The following SLC39A11 variants were observed in gnomAD, a reference collection of about 807,000 sequenced individuals.
The protein encoded by SLC39A11 is zinc transporter ZIP11.
A neutral mutation model predicts 36.1 loss-of-function variants in SLC39A11; 33 were observed. That is an observed-to-expected ratio of 0.91 (90% CI 0.69 to 1.22). The LOEUF is 1.22. SLC39A11 is among the 50% of genes most tolerant of loss of function. SLC39A11 has a pLI of 0.00. For missense variants in SLC39A11, 432 were observed against 430.3 expected (o/e 1.00, Z -0.03); for synonymous variants, 166 against 170.3 (o/e 0.97, Z 0.20).
intron 4 of SLC39A11, among the ~76,000 whole-genome samples, chr17:72,950,675 G>A (rs566889263): frequency 6.6e-6 from 1 of 152,172 alleles, no homozygotes; most frequent in Non-Finnish European, 1.5e-5. Context: ...GGAATAAAAG[G>A]AGAACCATTT....
chr17:72,848,225 A>G (rs2079138782), intron 6 of SLC39A11, among the ~76,000 whole-genome samples: 1 of 152,250 alleles, frequency 6.6e-6, no homozygotes, highest in Admixed American at 6.5e-5. Flanking sequence ...CAATTCGTCA[A>G]GATAACCTCC....
chr17:72,962,827 G>C (rs1034719592), intron 4 of SLC39A11, among the ~76,000 whole-genome samples: 1 of 152,136 alleles, frequency 6.6e-6, no homozygotes, highest in South Asian at 2.1e-4. Flanking sequence ...GTGAGCCATC[G>C]GGCCCGGCCA....
chr17:72,868,389 A>C, intron 5 of SLC39A11, among the ~76,000 whole-genome samples: 1 of 152,188 alleles, frequency 6.6e-6, no homozygotes, highest in East Asian at 1.9e-4. Context: ...GGAATGTAAC[A>C]TAAGAAATAA....
intron 6 of SLC39A11, among the ~76,000 whole-genome samples, chr17:72,848,611 C>T (rs995128387): frequency 6.6e-6 from 1 of 151,802 alleles, no homozygotes; most frequent in Admixed American, 6.6e-5. Flanking sequence ...ATCCCAGCTA[C>T]TCAAGAGGCT....
At chr17:72,786,324 C>T (rs1383088501) in intron 6 of SLC39A11, among the ~76,000 whole-genome samples, 1 of 152,212 alleles carries the variant, frequency 6.6e-6, no homozygotes, top group Admixed American at 6.5e-5. Context: ...GATGCTGGCA[C>T]TTCCAGACAA....
intron 6 of SLC39A11, among the ~76,000 whole-genome samples, chr17:72,802,910 A>C (rs1382019419): frequency 6.6e-6 from 1 of 152,170 alleles, no homozygotes; most frequent in Non-Finnish European, 1.5e-5. Context: ...AGCCACCTTC[A>C]GGCTGGAAAC....
chr17:72,909,923 T>G (rs1202161618), intron 5 of SLC39A11, among the ~76,000 whole-genome samples: 1 of 151,740 alleles, frequency 6.6e-6, no homozygotes, highest in African/African-American at 2.4e-5. Context: ...TTTTTTTTTT[T>G]GTATTTTTTT....
At chr17:72,892,727 C>A (rs2081820118) in intron 5 of SLC39A11, among the ~76,000 whole-genome samples, 1 of 152,132 alleles carries the variant, frequency 6.6e-6, no homozygotes, top group Admixed American at 6.6e-5. Flanking sequence ...AACAATTGGT[C>A]CACAATCCAA....
intron 7 of SLC39A11, among the ~76,000 whole-genome samples, chr17:72,693,834 TTG>T (rs992721527): frequency 1.5e-4 from 23 of 152,314 alleles, no homozygotes; most frequent in African/African-American, 5.5e-4. Flanking sequence ...GGCTAATTTT[TTG>T]TGTTTTTAGT....
chr17:72,919,711 A>G (rs927640773), intron 5 of SLC39A11, among the ~76,000 whole-genome samples: 1 of 150,576 alleles, frequency 6.6e-6, no homozygotes, highest in East Asian at 1.9e-4. Context: ...ACCCAAGGGA[A>G]GAGAAGCCAG....
At chr17:73,017,121 G>A (rs7211745) in intron 4 of SLC39A11, among the ~76,000 whole-genome samples, 15,770 of 152,224 alleles carry the variant, frequency 0.1, 1,273 homozygotes, top group African/African-American at 0.22. Context: ...GGAGGGCAGA[G>A]AGAAACGAGG....
intron 5 of SLC39A11, among the ~76,000 whole-genome samples, chr17:72,929,850 C>T (rs1258912352): frequency 6.6e-6 from 1 of 152,166 alleles, no homozygotes; most frequent in African/African-American, 2.4e-5. Context: ...AAACAGGGCA[C>T]ATCGCTGTGT....
intron 6 of SLC39A11, among the ~76,000 whole-genome samples, chr17:72,782,496 C>T (rs2076351162): frequency 6.6e-6 from 1 of 151,776 alleles, no homozygotes; most frequent in Non-Finnish European, 1.5e-5. Flanking sequence ...TGAGATCAGC[C>T]TGGCTAACAG....
chr17:72,900,800 T>C (rs181375687), intron 5 of SLC39A11, among the ~76,000 whole-genome samples: 2 of 152,298 alleles, frequency 1.3e-5, no homozygotes, highest in East Asian at 3.9e-4. Context: ...TCCGAGTCAC[T>C]GTGCTGGGAA....
chr17:72,757,818 C>T (rs1232443169), intron 6 of SLC39A11, among the ~76,000 whole-genome samples: 1 of 152,112 alleles, frequency 6.6e-6, no homozygotes, highest in Non-Finnish European at 1.5e-5. Flanking sequence ...CTGAGTGTAT[C>T]CACCGTGGTG....
At chr17:73,016,058 A>ACTT (rs1164426620) in intron 4 of SLC39A11, among the ~76,000 whole-genome samples, 1 of 152,130 alleles carries the variant, frequency 6.6e-6, no homozygotes, top group Non-Finnish European at 1.5e-5. Flanking sequence ...GAAGGTTGTA[A>ACTT]CTTCTTCAGG....
At chr17:72,913,626 C>T (rs910322293) in intron 5 of SLC39A11, among the ~76,000 whole-genome samples, 2 of 152,068 alleles carry the variant, frequency 1.3e-5, no homozygotes, top group African/African-American at 4.8e-5. Flanking sequence ...CAAATGAGAG[C>T]ACAGCAAGTG....
chr17:72,666,752 T>C (rs1369450387), intron 7 of SLC39A11, among the ~76,000 whole-genome samples: 1 of 152,198 alleles, frequency 6.6e-6, no homozygotes, highest in Non-Finnish European at 1.5e-5. Flanking sequence ...TGAGAAATCC[T>C]TGGCTATTTG....
At chr17:72,722,013 T>TA (rs919684381) in intron 7 of SLC39A11, among the ~76,000 whole-genome samples, 1 of 149,554 alleles carries the variant, frequency 6.7e-6, no homozygotes, top group Non-Finnish European at 1.5e-5. Flanking sequence ...AGCTGTGAAT[T>TA]AAAAAATTAT....
Sources: allele counts gnomAD v4.1 joint callset (sites outside exome capture counted in the v4.1 genomes callset), GRCh38; gene constraint gnomAD v4.1.1; transcripts MANE v1.5; gene names NCBI Gene and HGNC (gene_info 2026-07-23, HGNC 2026-07-21).